The following NLRC3 variants were observed in gnomAD, a reference collection of about 807,000 sequenced individuals.
NLRC3 encodes the protein NLR family CARD domain containing 3.
A neutral mutation model predicts 91.6 loss-of-function variants in NLRC3; 87 were observed. The ratio of observed to expected loss-of-function variants is 0.95; its 90% CI spans 0.80 to 1.14. The LOEUF (loss-of-function observed/expected upper bound fraction) is 1.14, where lower values mean the gene tolerates loss of function less well. Among genes scored for constraint, NLRC3 ranks in the 50% most tolerant of loss-of-function variants. The pLI, the probability that NLRC3 is intolerant of heterozygous loss-of-function variation, is 0.00. For synonymous variants in NLRC3, 694 were observed against 625.3 expected, an observed-to-expected ratio of 1.11 and a Z score of -1.64; for missense variants, 1,577 against 1,418.6, an observed-to-expected ratio of 1.11 and a Z score of -1.79.
chr16:3,564,679 C>G lies in NLRC3; in HGVS notation c.258G>C (p.Arg86Ser). 6.2e-7 allele frequency: 1 copy of G among 1,603,182 alleles called. No individual in the cohort carries two copies. The highest frequency in any genetic ancestry group is 8.5e-7 in the Non-Finnish European group (1 of 1,179,236). ...GGPELGGPWH[R>S]LASLLLVEGL... ...CCTCCACCAGCAGGAGGGAGGCCAG[C>G]CTGTGCCAGGGTCCGCCCAGCTCCG... Residue 86 changes from arginine (R) to serine (S), a missense_variant, in exon 5 of 20, where the codon AGG becomes AGC. By Grantham distance (110) the Arg-to-Ser change is moderately radical (BLOSUM62 -1). Coordinates refer to ENST00000359128, the MANE Select transcript of NLRC3 (RefSeq NM_178844.4). This position sits in a 1 kb window ranked among gnomAD's most constrained non-coding sequence, Gnocchi z 5.9.
chr16:3,544,349 C>T lies in NLRC3; in HGVS notation c.2772-20G>A. 1.3e-6 allele frequency: 2 copies of T among 1,577,328 alleles called. No individual in the cohort carries two copies. The highest frequency in any genetic ancestry group is 1.7e-6 in the Non-Finnish European group (2 of 1,147,048). ...TGTAAACTAGACACAGAGTATGACC[C>T]CTTTGGGTGCACGGGGCACAGGGAG... On this transcript the variant is annotated intron_variant, in intron 15 of 19. Transcript: ENST00000359128.
At chr16:3,558,921 G>A (rs941261340) in intron 6 of NLRC3, among the ~76,000 whole-genome samples, 3 of 152,058 alleles carry the variant, frequency 2.0e-5, no homozygotes, top group African/African-American at 4.8e-5. Flanking sequence ...AGAGGTGCAC[G>A]CCACCACACC....
At chr16:3,575,243 C>T (rs148937285) in intron 1 of NLRC3, among the ~76,000 whole-genome samples, 34 of 152,268 alleles carry the variant, frequency 2.2e-4, no homozygotes, top group African/African-American at 7.5e-4. Flanking sequence ...CCTCCCAGGA[C>T]CAGCCCCAAA....
Position 3,550,434 on chromosome 16 carries a change from G to A in NLRC3, c.2415C>T (p.Asn805=), listed in dbSNP as rs1196544471. The change falls in exon 11 of 20, where the codon AAC becomes AAT. Residue 805 remains asparagine, a synonymous_variant. Transcript: ENST00000359128. ...AKALAEALKV[N]QGLESLDLQS... ...CTCACTCCAGGCTCTCCAGGCCCTG[G>A]TTCACCTTCAGGGCCTCAGCCAGGG... is the stretch of plus-strand genomic sequence containing the variant. The A allele has an allele frequency of 1.2e-6, 2 of 1,611,792 alleles. No individual in the cohort carries two copies. The highest frequency in any genetic ancestry group is 1.7e-6 in the Non-Finnish European group (2 of 1,177,870).
In NLRC3 at chr16:3,544,330, C is replaced by G; in HGVS notation, c.2772-1G>C. The G allele has an allele frequency of 6.2e-7, 1 of 1,611,322 alleles. No homozygotes were observed. The highest frequency in any genetic ancestry group is 8.5e-7 in the Non-Finnish European group (1 of 1,177,646). On this transcript the variant is annotated splice_acceptor_variant, in intron 15 of 19. Transcript: ENST00000359128. LOFTEE classifies it high-confidence loss of function. ...ATCCCCGATGGCGTTCTCCTGTAAA[C>G]TAGACACAGAGTATGACCCCTTTGG... is the stretch of plus-strand genomic sequence containing the variant.
chr16:3,550,594 G>C, intron 10 of NLRC3, 97 bp from the exon 11 acceptor site: 1 of 858,386 alleles, frequency 1.2e-6, no homozygotes, highest in Non-Finnish European at 2.0e-6. Flanking sequence ...TGGGAGGGCT[G>C]GCTCTGTTGT....
At chr16:3,566,725 A>G (rs576092147) in intron 2 of NLRC3, among the ~76,000 whole-genome samples, 2 of 127,132 alleles carry the variant, frequency 1.6e-5, no homozygotes, top group Admixed American at 1.5e-4. Context: ...AACTCCGTAT[A>G]AAAAAAAAAA....
intron 11 of NLRC3, 123 bp downstream of exon 11, chr16:3,550,291 G>T: frequency 1.5e-6 from 1 of 654,688 alleles, no homozygotes; most frequent in Non-Finnish European, 2.8e-6. Context: ...AGGACAGTGT[G>T]TGCCCAGGGT....
At position 3,569,020 on chromosome 16, in the gene NLRC3, T is replaced by C. The variant is rs148988450; in HGVS notation, c.-168-1696A>G. 9.2e-5 allele frequency among the ~76,000 whole-genome samples: 14 copies of C among 152,278 alleles called. No homozygotes were observed. In the East Asian group the frequency reaches 1.9e-3, roughly 21 times the overall value. On this transcript the variant is annotated intron_variant, in intron 1 of 19. Transcript: ENST00000359128. ...AGTTAATTTTCTTCAGGTTTTCAAA[T>C]TACTTCAGCAAGGCTGGGCGTGGTG...
At position 3,564,998 on chromosome 16, in the gene NLRC3, G is replaced by GCCGGCCTCCCTGC. The variant is rs752541913; in HGVS notation, c.26_38dup (p.His16GlyfsTer37). Reference sequence around the variant, plus strand: ...CTGGGGAGCCCGTACCGTGGCCCTGGCCGGCCTCCCTGCCCGTCCGCACCT... The same window carrying GCCGGCCTCCCTGC: ...CTGGGGAGCCCGTACCGTGGCCCTGGCCGGCCTCCCTGCCCGGCCTCCCTGCCCGTCCGCACCT... On this transcript the variant is annotated frameshift_variant, in exon 4 of 20. Transcript: ENST00000359128. LOFTEE classifies it high-confidence loss of function. This position sits in a 1 kb window ranked among gnomAD's most constrained non-coding sequence, Gnocchi z 5.9. 2 of 1,610,288 alleles carry GCCGGCCTCCCTGC rather than the reference G, an allele frequency of 1.2e-6. No homozygotes were observed. Among genetic ancestry groups the GCCGGCCTCCCTGC allele is most frequent in the Admixed American group, 1.7e-5 (1 of 59,980 alleles).
rs35126359 is a variant in NLRC3 at position 3,574,007 on chromosome 16, C to CTTT, written c.-169+3139_-169+3141dup. On this transcript the variant is annotated intron_variant, in intron 1 of 19. Coordinates refer to ENST00000359128, the MANE Select transcript of NLRC3 (RefSeq NM_178844.4). ...GCTTGGCCCATTGTAACCATTTTAT[C>CTTT]TTTTTTTTTTTTTTTTTTTTTTTTT... Among the ~76,000 whole-genome samples the CTTT allele has an allele frequency of 6.3e-3, 254 of 40,424 alleles. 10 individuals are homozygous for CTTT. The highest frequency in any genetic ancestry group is 0.015 in the East Asian group (13 of 874). The allele number at this position is 40,424 out of a possible 152,430, so 26.5% of individuals were successfully genotyped here. A position where few individuals can be genotyped will look rare whatever the true frequency, so the allele number is the denominator to read the frequency against.
Position 3,539,884 on chromosome 16 carries a change from A to G in NLRC3, c.*1941T>C, listed in dbSNP as rs2038331626. 1 of 152,166 alleles carries G rather than the reference A, an allele frequency of 6.6e-6. No individual in the cohort carries two copies. Among genetic ancestry groups the G allele is most frequent in the Non-Finnish European group, 1.5e-5 (1 of 68,032 alleles). The allele number at this position is 152,166 out of a possible 1,614,324, so 9.4% of individuals were successfully genotyped here. ...AATCTTTAATTTCACGCTATCTGCA[A>G]TGTTTTGTGTTTTTCATGACATTGA... On this transcript the variant is annotated 3_prime_UTR_variant, in exon 20 of 20. Transcript: ENST00000359128.
Position 3,548,203 on chromosome 16 carries a change from G to C in NLRC3, c.2703C>G (p.Phe901Leu), listed in dbSNP as rs1405074383. 2.5e-6 allele frequency: 4 copies of C among 1,593,468 alleles called. No homozygotes were observed. In the Admixed American group the frequency reaches 7.0e-5, roughly 28 times the overall value. ...TLTSLHLQWNFIQAGAAQALG... is the reference protein window; with the variant it reads ...TLTSLHLQWNLIQAGAAQALG... ...GGGCCTGGGCAGCGCCGGCCTGGATGAAGTTCCACTGCAGGCTGGGCAGAC... is the reference window on the plus strand; with the variant it reads ...GGGCCTGGGCAGCGCCGGCCTGGATCAAGTTCCACTGCAGGCTGGGCAGAC... Residue 901 changes from phenylalanine (F) to leucine (L), a missense_variant, in exon 15 of 20, where the codon TTC (phenylalanine) becomes TTG (leucine). Transcript: ENST00000359128.
rs764998373 is a variant in NLRC3 at position 3,550,419 on chromosome 16, G to A, written c.2430C>T (p.Ser810=). The A allele has an allele frequency of 1.2e-6, 2 of 1,608,422 alleles. No homozygotes were observed. Among genetic ancestry groups the A allele is most frequent in the African/African-American group, 1.3e-5 (1 of 74,818 alleles). Residue 810 remains serine, a synonymous_variant, in exon 11 of 20, where the codon AGC becomes AGT. Transcript: ENST00000359128. The part of the protein sequence containing the change: ...EALKVNQGLE[S]LDLQSNSISD... ...ACCCTGGCAGGTGGACTCACTCCAG[G>A]CTCTCCAGGCCCTGGTTCACCTTCA... is the stretch of plus-strand genomic sequence containing the variant.
chr16:3,562,619 C>T (rs1276027905), intron 5 of NLRC3, among the ~76,000 whole-genome samples: 8 of 151,898 alleles, frequency 5.3e-5, no homozygotes, highest in African/African-American at 1.5e-4. Flanking sequence ...CCAGCCTGGG[C>T]GACAGAGCAA....
intron 2 of NLRC3, among the ~76,000 whole-genome samples, chr16:3,565,606 G>A (rs2039847921): frequency 6.6e-6 from 1 of 151,982 alleles, no homozygotes; most frequent in Non-Finnish European, 1.5e-5. Flanking sequence ...GTCAGTGGGG[G>A]CCAAGGGTTG....
intron 1 of NLRC3, among the ~76,000 whole-genome samples, chr16:3,569,967 T>C (rs770106205): frequency 6.6e-5 from 10 of 152,244 alleles, no homozygotes; most frequent in Admixed American, 5.2e-4. Context: ...TGTTAAGCAC[T>C]GTATTTCCAT....
rs373274607 is a variant in NLRC3 at position 3,563,162 on chromosome 16, A to G, written c.1775T>C (p.Leu592Pro). Residue 592 changes from leucine to proline, a missense_variant, in exon 5 of 20, where the codon CTG becomes CCG. Transcript: ENST00000359128. Reference sequence around the variant, plus strand: ...GTGCGCGGGACCAGTCAGCCTGGCCAGGGCCCCGCTCTCCATGGCCTCCTC... The same window carrying G: ...GTGCGCGGGACCAGTCAGCCTGGCCGGGGCCCCGCTCTCCATGGCCTCCTC... ...SVEEAMESGALARLTGPAHRA... is the reference protein window; with the variant it reads ...SVEEAMESGAPARLTGPAHRA... 8.2e-6 allele frequency: 13 copies of G among 1,590,992 alleles called. No homozygotes were observed. The highest frequency in any genetic ancestry group is 1.1e-5 in the Non-Finnish European group (13 of 1,171,076).
chr16:3,553,934 A>G (rs1437446455), intron 9 of NLRC3, among the ~76,000 whole-genome samples: 1 of 141,852 alleles, frequency 7.0e-6, no homozygotes, highest in African/African-American at 2.6e-5. Flanking sequence ...TTTAGTAGAG[A>G]CGGTGTTTTA....
Sources: allele counts gnomAD v4.1 joint callset (sites outside exome capture counted in the v4.1 genomes callset), GRCh38; gene constraint gnomAD v4.1.1; non-coding constraint Gnocchi (gnomAD v3.1); transcripts MANE v1.5; gene names NCBI Gene and HGNC (gene_info 2026-07-23, HGNC 2026-07-21).